The following COL1A2 variants were observed in gnomAD, a reference collection of about 807,000 sequenced individuals.
COL1A2 encodes the protein collagen alpha-2(I) chain.
Under a neutral mutation model 174.3 loss-of-function variants are expected in COL1A2, and 49 were observed. The observed-to-expected ratio is 0.28, with a 90% CI of 0.22 to 0.36. The LOEUF (loss-of-function observed/expected upper bound fraction) is 0.36. COL1A2 is among the 10% of genes least tolerant of loss of function. COL1A2 has a pLI of 1.00. For synonymous variants in COL1A2, 655 were observed against 606.6 expected (o/e 1.08, Z -1.17); for missense variants, 1,438 against 1,822.7 (o/e 0.79, Z 3.84).
At chr7:94,413,827 A>G in intron 27 of COL1A2, 67 bp from the exon 28 acceptor site, 1 of 1,610,268 alleles carries the variant, frequency 6.2e-7, no homozygotes, top group Admixed American at 1.7e-5. Context: ...TCAGTCCAAA[A>G]GTTATACAGC....
chr7:94,395,063 T>C lies in COL1A2; in HGVS notation c.32T>C (p.Leu11Ser). MLSFVDTRTLLLLAVTLCLAT... is the reference protein window; with the variant it reads MLSFVDTRTLSLLAVTLCLAT... ...AGCTTTGTGGATACGCGGACTTTGTTGCTGCTTGCAGTAACCTTATGCCTA... is the reference window on the plus strand; with the variant it reads ...AGCTTTGTGGATACGCGGACTTTGTCGCTGCTTGCAGTAACCTTATGCCTA... The change falls in exon 1 of 52, where the codon TTG becomes TCG. Residue 11 changes from leucine (L) to serine (S), a missense_variant. Coordinates refer to ENST00000297268, the MANE Select transcript of COL1A2 (RefSeq NM_000089.4). 1.2e-6 allele frequency: 2 copies of C among 1,614,090 alleles called. No individual in the cohort carries two copies. The highest frequency in any genetic ancestry group is 1.7e-6 in the Non-Finnish European group (2 of 1,180,014).
intron 20 of COL1A2, 51 bp from the exon 21 acceptor site, chr7:94,410,369 T>C: frequency 6.3e-7 from 1 of 1,580,336 alleles, no homozygotes; most frequent in East Asian, 2.3e-5. Flanking sequence ...CTGGACATAG[T>C]ATTAAAATTA....
intron 41 of COL1A2, 182 bp downstream of exon 41, chr7:94,424,625 C>T: frequency 3.3e-6 from 2 of 605,728 alleles, no homozygotes; most frequent in Non-Finnish European, 5.8e-6. Flanking sequence ...CTTAGACACA[C>T]ACTATAAAGA....
chr7:94,395,589 G>T, intron 1 of COL1A2: 1 of 265,124 alleles, frequency 3.8e-6, no homozygotes, highest in Non-Finnish European at 7.3e-6. Flanking sequence ...TCCGGAGGAG[G>T]AGGATGACGA....
intron 22 of COL1A2, 34 bp from the exon 23 acceptor site, chr7:94,411,022 C>G: frequency 6.2e-7 from 1 of 1,602,674 alleles, no homozygotes; most frequent in Non-Finnish European, 8.5e-7. Flanking sequence ...TAGCATCCTC[C>G]TCCTCTATCT....
chr7:94,426,022 G>A lies in COL1A2; in HGVS notation c.2968G>A (p.Ala990Thr). ...ETGPSGPVGP[A>T]GAVGPRGPSG... ...GGGTCCTTCTGGTCCTGTTGGTCCTGCTGGTGCTGTTGGCCCAAGAGGTCC... is the reference window on the plus strand; with the variant it reads ...GGGTCCTTCTGGTCCTGTTGGTCCTACTGGTGCTGTTGGCCCAAGAGGTCC... Residue 990 changes from alanine (A) to threonine (T), a missense_variant, in exon 45 of 52, where the codon GCT becomes ACT. Transcript: ENST00000297268. 1.9e-6 allele frequency: 3 copies of A among 1,614,116 alleles called. No homozygotes were observed. Among genetic ancestry groups the A allele is most frequent in the Non-Finnish European group, 2.5e-6 (3 of 1,180,016 alleles).
Position 94,409,322 on chromosome 7 carries a change from G to A in COL1A2, c.793G>A (p.Gly265Ser), listed in dbSNP as rs1114167417. The change falls in exon 17 of 52, where the codon GGT becomes AGT. Residue 265 changes from glycine to serine, a missense_variant and splice_region_variant. Coordinates refer to ENST00000297268, the MANE Select transcript of COL1A2 (RefSeq NM_000089.4). The stretch of plus-strand genomic sequence containing the variant: ...TCCTTGGTTTAATTTCCTCTTTTAG[G>A]GTGAAATTGGAGCTGTTGGTAACGC... ...PGFPGAPGPK[G>S]EIGAVGNAGP... 1.2e-6 allele frequency: 2 copies of A among 1,613,866 alleles called. No individual in the cohort carries two copies. The highest frequency in any genetic ancestry group is 8.5e-7 in the Non-Finnish European group (1 of 1,179,908).
In COL1A2 at chr7:94,425,776, T is replaced by C. The variant is rs1267179972; in HGVS notation, c.2862T>C (p.Ile954=). ...GAGAGCGCGGTTACCCTGGCAATAT[T>C]GGTCCCGTTGGTGCTGCAGGTGCAC... ...HKGERGYPGN[I]GPVGAAGAPG... Residue 954 remains isoleucine (I), a synonymous_variant, in exon 44 of 52, where the codon ATT becomes ATC. Transcript: ENST00000297268. The C allele has an allele frequency of 4.3e-6, 7 of 1,613,244 alleles. No homozygotes were observed. In the East Asian group the frequency reaches 6.7e-5, roughly 15 times the overall value.
At chr7:94,412,818 T>C (rs544342048) in intron 25 of COL1A2, 136 bp downstream of exon 25, 28 of 827,002 alleles carry the variant, frequency 3.4e-5, no homozygotes, top group African/African-American at 2.9e-4. Flanking sequence ...AGGCCACTTA[T>C]CACATTAAAA....
In COL1A2 at chr7:94,410,292, G is replaced by A. The variant is rs200284501; in HGVS notation, c.1086G>A (p.Glu362=). The change falls in exon 20 of 52, where the codon GAG becomes GAA. Residue 362 remains glutamate, a synonymous_variant. Coordinates refer to ENST00000297268, the MANE Select transcript of COL1A2 (RefSeq NM_000089.4). The part of the protein sequence containing the change: ...GSKGESGNKG[E]PGSAGPQGPP... Reference sequence around the variant, plus strand: ...AAGGAGAGAGCGGTAACAAGGGTGAGCCCGTAAGTAGCTCTATCATCACAC... The same window carrying A: ...AAGGAGAGAGCGGTAACAAGGGTGAACCCGTAAGTAGCTCTATCATCACAC... The A allele has an allele frequency of 1.2e-4, 188 of 1,613,982 alleles. No individual in the cohort carries two copies. In the Middle Eastern group the frequency reaches 1.5e-3, roughly 13 times the overall value.
Position 94,430,231 on chromosome 7 carries a change from T to G in COL1A2, c.3955-16T>G, listed in dbSNP as rs1268884051. The G allele has an allele frequency of 1.2e-6, 2 of 1,611,448 alleles. No individual in the cohort carries two copies. The highest frequency in any genetic ancestry group is 1.7e-6 in the Non-Finnish European group (2 of 1,177,844). On this transcript the variant is annotated splice_polypyrimidine_tract_variant and intron_variant, in intron 51 of 51. Transcript: ENST00000297268. ...ATAGTGATGCTTTGTGTATCTATTT[T>G]CTTCTCTTTAAACAGAAAAAGACAA...
At chr7:94,404,086 T>C (rs1791745688) in intron 6 of COL1A2, among the ~76,000 whole-genome samples, 1 of 152,224 alleles carries the variant, frequency 6.6e-6, no homozygotes, top group African/African-American at 2.4e-5. Flanking sequence ...TTCTCTCTAA[T>C]CATTAAGAAG....
At position 94,399,816 on chromosome 7, in the gene COL1A2, C is replaced by A. The variant is rs1227659732; in HGVS notation, c.133-380C>A. On this transcript the variant is annotated intron_variant, in intron 4 of 51. Transcript: ENST00000297268. ...TTCATTCACATGTAACATACCAAAA[C>A]AATTGAATCAGTTTGTCACAGTCAG... 2.0e-5 allele frequency among the ~76,000 whole-genome samples: 3 copies of A among 152,106 alleles called. No individual in the cohort carries two copies. The East Asian group carries it at 5.8e-4, about 29-fold the overall frequency.
At position 94,414,271 on chromosome 7, in the gene COL1A2, A is replaced by G; in HGVS notation, c.1715A>G (p.Glu572Gly). 1.2e-6 allele frequency: 2 copies of G among 1,614,048 alleles called. No homozygotes were observed. The highest frequency in any genetic ancestry group is 2.2e-5 in the South Asian group (2 of 91,076). Residue 572 changes from glutamate (E) to glycine (G), a missense_variant, in exon 29 of 52, where the codon GAA becomes GGA. Glu to Gly is a moderately conservative substitution (Grantham distance 98). This residue lies in a region of COL1A2 where 867 missense variants were observed against 1,213.7 expected (regional missense o/e 0.71). Coordinates refer to ENST00000297268, the MANE Select transcript of COL1A2 (RefSeq NM_000089.4). ...GPAGEVGKPGERGLHGEFGLP... is the reference protein window; with the variant it reads ...GPAGEVGKPGGRGLHGEFGLP... ...GCTGGTGAAGTTGGCAAACCAGGAG[A>G]AAGGGTGAGTAAAACAAGTAATAGT...
intron 29 of COL1A2, 32 bp from the exon 30 acceptor site, chr7:94,415,194 G>C (rs766321471): frequency 6.2e-7 from 1 of 1,604,384 alleles, no homozygotes; most frequent in Non-Finnish European, 8.5e-7. Context: ...ATCACACACA[G>C]ATTTCATGCT....
chr7:94,399,186 A>T (rs2115856805), intron 4 of COL1A2, 102 bp downstream of exon 4: 1 of 1,038,882 alleles, frequency 9.6e-7, no homozygotes, highest in East Asian at 2.4e-5. Flanking sequence ...ATGTATCCAG[A>T]TAATTGTACA....
At chr7:94,414,030 C>T in intron 28 of COL1A2, 83 bp downstream of exon 28, 2 of 1,396,282 alleles carry the variant, frequency 1.4e-6, no homozygotes, top group Non-Finnish European at 2.0e-6. Flanking sequence ...CTCTTCTCCA[C>T]CACAATAAAC....
At chr7:94,429,973 G>A in intron 51 of COL1A2, 4 of 486,076 alleles carry the variant, frequency 8.2e-6, no homozygotes, top group Non-Finnish European at 1.5e-5. Flanking sequence ...TCCTAAAAAT[G>A]ACTTTGTAGA....
intron 48 of COL1A2, 99 bp from the exon 49 acceptor site, chr7:94,427,528 C>T (rs1792303877): frequency 5.0e-6 from 7 of 1,395,752 alleles, no homozygotes; most frequent in Non-Finnish European, 7.1e-6. Flanking sequence ...CTGATGAGAA[C>T]ATGCTTCCGT....
Sources: gnomAD v4.1 joint callset for allele counts (sites outside exome capture counted in the v4.1 genomes callset) on GRCh38, gnomAD v4.1.1 for gene constraint, gnomAD v4.1.1 regional missense constraint, MANE v1.5 for transcripts, NCBI Gene and HGNC (gene_info 2026-07-23, HGNC 2026-07-21) for gene names.